The following LMF1 variants were observed in gnomAD, a reference collection of about 807,000 sequenced individuals.
LMF1 encodes the protein transmembrane protein 112.
LMF1 carries 68 observed loss-of-function variants against 60.6 expected under a neutral mutation model. The ratio of observed to expected loss-of-function variants is 1.12; its 90% CI spans 0.92 to 1.37. The LOEUF (loss-of-function observed/expected upper bound fraction) is 1.37. Ranked by LOEUF, LMF1 falls within the 40% of genes most tolerant of loss-of-function variation. The probability of loss-of-function intolerance (pLI) is 0.00; values close to 1 mark genes in which losing one functional copy is unlikely to be tolerated. For missense variants in LMF1, 948 were observed against 767.2 expected, an observed-to-expected ratio of 1.24 and a Z score of -2.78; for synonymous variants, 418 against 324.7, an observed-to-expected ratio of 1.29 and a Z score of -3.09.
Position 954,345 on chromosome 16 carries a change from C to G in LMF1, c.503+12G>C. 6.2e-7 allele frequency: 1 copy of G among 1,609,730 alleles called. No homozygotes were observed. The highest frequency in any genetic ancestry group is 1.1e-5 in the South Asian group (1 of 90,324). The stretch of plus-strand genomic sequence containing the variant: ...AGCCCTAAGCTCCGACCGCCCCATT[C>G]CTGCTACTCACCAGACATGGCCCAC... On this transcript the variant is annotated intron_variant, in intron 2 of 10. Coordinates refer to ENST00000262301, the MANE Select transcript of LMF1 (RefSeq NM_022773.4).
chr16:977,250 G>A lies in LMF1; in HGVS notation c.-135+3895C>T, dbSNP rs185676641. 8.7e-4 allele frequency among the ~76,000 whole-genome samples: 132 copies of A among 152,338 alleles called. 2 individuals carry two copies. The highest frequency in any genetic ancestry group is 2.9e-3 in the African/African-American group (120 of 41,578). On this transcript the variant is annotated intron_variant, in intron 1 of 6. Coordinates refer to the LMF1 transcript ENST00000570014. ...CGGAACTCGTGCCCCAGCTGGCACT[G>A]CCAGCACCCGAGACAGTGAAGTACA...
At chr16:911,704 T>C (rs1567226159) in intron 3 of LMF1, among the ~76,000 whole-genome samples, 1 of 131,946 alleles carries the variant, frequency 7.6e-6, no homozygotes, top group African/African-American at 2.8e-5. Context: ...GGAGCAGCAC[T>C]GGGGAGGCAG....
Position 970,837 on chromosome 16 carries a change from G to A in LMF1, c.144C>T (p.Thr48=). The A allele has an allele frequency of 1.9e-6, 3 of 1,551,838 alleles. No individual in the cohort carries two copies. Among genetic ancestry groups the A allele is most frequent in the Non-Finnish European group, 2.6e-6 (3 of 1,149,332 alleles). The change falls in exon 1 of 11, where the codon ACC becomes ACT. Residue 48 remains threonine, a synonymous_variant. Transcript: ENST00000262301. ...GGAGCACGATCCGGGTCAGCCAGAAGGTGCCCGTGTGGAGATGGGCCGGAG... is the reference window on the plus strand; with the variant it reads ...GGAGCACGATCCGGGTCAGCCAGAAAGTGCCCGTGTGGAGATGGGCCGGAG... The part of the protein sequence containing the change: ...AGSPAHLHTG[T]FWLTRIVLLK...
chr16:865,338 G>T (rs1330285583), intron 10 of LMF1, among the ~76,000 whole-genome samples: 3 of 152,114 alleles, frequency 2.0e-5, no homozygotes, highest in African/African-American at 4.8e-5. Flanking sequence ...AACGTCTATT[G>T]TATTTACCCA....
intron 6 of LMF1, chr16:873,263 T>C (rs1439024537): frequency 6.6e-6 from 1 of 152,410 alleles, no homozygotes; most frequent in East Asian, 1.9e-4. Flanking sequence ...CTGAGCCATC[T>C]CCTCAGAGGG....
intron 1 of LMF1, chr16:976,414 G>A: frequency 2.2e-6 from 1 of 454,132 alleles, no homozygotes; most frequent in Non-Finnish European, 4.4e-6. Context: ...CAGGGTTAGG[G>A]ACAGGATTTA....
intron 6 of LMF1, chr16:873,305 G>T (rs553245675): frequency 2.6e-5 from 4 of 152,370 alleles, no homozygotes; most frequent in Admixed American, 2.6e-4. Context: ...ATCTGTGCTC[G>T]CCCCCGCCGG....
chr16:926,489 C>T (rs375190759), intron 3 of LMF1, among the ~76,000 whole-genome samples: 6 of 152,150 alleles, frequency 3.9e-5, no homozygotes, highest in African/African-American at 7.2e-5. Flanking sequence ...TGCGCATGTG[C>T]GCACGTGTGT....
chr16:922,782 G>A (rs1378488816), intron 3 of LMF1, among the ~76,000 whole-genome samples: 2 of 120,242 alleles, frequency 1.7e-5, no homozygotes, highest in East Asian at 2.7e-4. Context: ...TGTGAAAGTC[G>A]CCTGGGTTTT....
rs1415351003 is a variant in LMF1, at chr16:874,229, C to G, written c.898-2888G>C. On this transcript the variant is annotated intron_variant, in intron 6 of 10. Coordinates refer to ENST00000262301, the MANE Select transcript of LMF1 (RefSeq NM_022773.4). This position sits in a 1 kb window ranked among gnomAD's most constrained non-coding sequence, Gnocchi z 4.1. ...GAAACACAGCTAAGGGCCGGTGAGC[C>G]CAGCTCTGGGACAGAGCCTCAGGAC... Among the ~76,000 whole-genome samples the G allele has an allele frequency of 6.6e-6, 1 of 152,232 alleles. No homozygotes were observed. Among genetic ancestry groups the G allele is most frequent in the East Asian group, 1.9e-4 (1 of 5,190 alleles).
At chr16:967,220 C>A (rs2072942480) in intron 1 of LMF1, among the ~76,000 whole-genome samples, 1 of 152,226 alleles carries the variant, frequency 6.6e-6, no homozygotes, top group African/African-American at 2.4e-5. Flanking sequence ...CATCAAGGAG[C>A]CGGCCTGGCT....
intron 3 of LMF1, among the ~76,000 whole-genome samples, chr16:931,313 G>A (rs926162439): frequency 6.6e-6 from 1 of 152,246 alleles, no homozygotes; most frequent in East Asian, 1.9e-4. Context: ...ACCTAGAGCC[G>A]GCTGGCTGCT....
chr16:890,880 G>C (rs1211597189), intron 5 of LMF1, among the ~76,000 whole-genome samples: 1 of 152,214 alleles, frequency 6.6e-6, no homozygotes, highest in Non-Finnish European at 1.5e-5. Context: ...TGACACCGAG[G>C]GTGCCTCGAG....
chr16:882,967 G>A lies in LMF1; in HGVS notation c.730-3230C>T, dbSNP rs577146110. ...CATCACAGGACCAGGAGAAAGAGGAGCTGCTCAGCAGAAGAGCTGCCCGGC... is the reference window on the plus strand; with the variant it reads ...CATCACAGGACCAGGAGAAAGAGGAACTGCTCAGCAGAAGAGCTGCCCGGC... On this transcript the variant is annotated intron_variant, in intron 5 of 10. Transcript: ENST00000262301. Among the ~76,000 whole-genome samples, 8 of 144,138 alleles carry A rather than the reference G, an allele frequency of 5.6e-5. No homozygotes were observed. The South Asian group carries it at 1.8e-3, about 33-fold the overall frequency. 94.6% of individuals were successfully genotyped at this position (144,138 alleles called of 152,430 possible).
At chr16:946,758 C>A (rs1274780301) in intron 2 of LMF1, among the ~76,000 whole-genome samples, 4 of 152,256 alleles carry the variant, frequency 2.6e-5, no homozygotes, top group African/African-American at 9.6e-5. Context: ...ATGGATTCCT[C>A]TGCCTCTCAA....
Position 868,952 on chromosome 16 carries a change from G to A in LMF1, c.1521C>T (p.Pro507=). The part of the protein sequence containing the change: ...LLAHNPFAGR[P]PPRWVRGEHY... The stretch of plus-strand genomic sequence containing the variant: ...CAGGGAGGGCATCCTACCTGGGCGG[G>A]GGCCTGCCCGCGAAGGGGTTGTGTG... The change falls in exon 10 of 11, where the codon CCC becomes CCT. Residue 507 remains proline (P), a synonymous_variant. Coordinates refer to ENST00000262301, the MANE Select transcript of LMF1 (RefSeq NM_022773.4). 3.7e-6 allele frequency: 6 copies of A among 1,608,796 alleles called. No homozygotes were observed. The highest frequency in any genetic ancestry group is 5.1e-6 in the Non-Finnish European group (6 of 1,177,316).
intron 1 of LMF1, among the ~76,000 whole-genome samples, chr16:955,752 CAG>C (rs2072683829): frequency 6.6e-6 from 1 of 152,262 alleles, no homozygotes; most frequent in Admixed American, 6.5e-5. Context: ...TGGCTACACA[CAG>C]ACAGCCAGCT....
chr16:916,079 T>C (rs993340134), intron 3 of LMF1, among the ~76,000 whole-genome samples: 1 of 152,194 alleles, frequency 6.6e-6, no homozygotes, highest in Non-Finnish European at 1.5e-5. Context: ...GGTTGTGGGC[T>C]GAGCCGCCTC....
At chr16:976,653 C>T (rs1033479056) in intron 1 of LMF1, 6 of 453,962 alleles carry the variant, frequency 1.3e-5, no homozygotes, top group African/African-American at 4.0e-5. Context: ...CCCCCACCCC[C>T]ACACTGAGAG....
Sources: gnomAD v4.1 joint callset for allele counts (sites outside exome capture counted in the v4.1 genomes callset) on GRCh38, gnomAD v4.1.1 for gene constraint, Gnocchi (gnomAD v3.1) non-coding constraint, MANE v1.5 for transcripts, NCBI Gene and HGNC (gene_info 2026-07-23, HGNC 2026-07-21) for gene names.